Variants in ARHGAP42 observed in about 807,000 individuals in gnomAD.
ARHGAP42 encodes the protein Rho GTPase activating protein 42.
A neutral mutation model predicts 125.0 loss-of-function variants in ARHGAP42; 63 were observed. That is an observed-to-expected ratio of 0.50 (90% confidence interval 0.41 to 0.62). ARHGAP42 has a LOEUF of 0.62. ARHGAP42 is among the 20% of genes least tolerant of loss of function. The pLI, the probability that ARHGAP42 is intolerant of heterozygous loss-of-function variation, is 0.00. For missense variants in ARHGAP42, 766 were observed against 1,024.2 expected, an observed-to-expected ratio of 0.75 and a Z score of 3.44; for synonymous variants, 339 against 351.0, an observed-to-expected ratio of 0.97 and a Z score of 0.38.
chr11:100,921,544 A>G lies in ARHGAP42; in HGVS notation c.537A>G (p.Leu179=). The G allele has an allele frequency of 1.3e-6, 2 of 1,547,816 alleles. No homozygotes were observed. The highest frequency in any genetic ancestry group is 1.7e-6 in the Non-Finnish European group (2 of 1,145,346). The change falls in exon 6 of 24, where the codon TTA becomes TTG. Residue 179 remains leucine, a synonymous_variant. Transcript: ENST00000298815. ...REHQNFYEAS[L]EYVFKIQEVQ... is the part of the protein sequence containing the mutation. ...ATCAGAACTTCTATGAAGCATCATT[A>G]GAATATGTCTTTAAAATTCAAGAGG... is the stretch of plus-strand genomic sequence containing the variant.
At chr11:100,705,491 T>C (rs1274759214) in intron 1 of ARHGAP42, among the ~76,000 whole-genome samples, 2 of 152,246 alleles carry the variant, frequency 1.3e-5, no homozygotes, top group Non-Finnish European at 2.9e-5. Flanking sequence ...ATATTTACTT[T>C]ATCTGCATAT....
intron 6 of ARHGAP42, among the ~76,000 whole-genome samples, chr11:100,929,151 T>C (rs1002967443): frequency 6.6e-6 from 1 of 152,190 alleles, no homozygotes; most frequent in Non-Finnish European, 1.5e-5. Context: ...GGTTTCAGGA[T>C]GAACCTGTTC....
Position 100,935,677 on chromosome 11 carries a change from C to CAG in ARHGAP42, c.703-508_703-507dup, listed in dbSNP as rs71053162. On this transcript the variant is annotated intron_variant, in intron 7 of 23. Transcript: ENST00000298815. ...AAGGTCACACACACACACACACACA[C>CAG]AGAGAGAGAGAGAGAGAGATTCAAA... Among the ~76,000 whole-genome samples, 1,096 of 146,572 alleles carry CAG rather than the reference C, an allele frequency of 7.5e-3. 8 individuals carry two copies. The highest frequency in any genetic ancestry group is 0.022 in the African/African-American group (841 of 38,888).
chr11:100,921,662 A>G, intron 6 of ARHGAP42, 58 bp downstream of exon 6: 1 of 1,057,766 alleles, frequency 9.5e-7, no homozygotes, highest in Non-Finnish European at 1.4e-6. Flanking sequence ...GAAAAAAAGT[A>G]CACTGTTTTT....
chr11:100,710,215 A>T (rs1861538657), intron 1 of ARHGAP42, among the ~76,000 whole-genome samples: 2 of 152,002 alleles, frequency 1.3e-5, no homozygotes, highest in East Asian at 3.9e-4. Flanking sequence ...ATAACATTGT[A>T]TTTTTTCAAT....
At chr11:100,789,864 C>T (rs747641074) in intron 2 of ARHGAP42, among the ~76,000 whole-genome samples, 5 of 152,086 alleles carry the variant, frequency 3.3e-5, no homozygotes, top group South Asian at 2.1e-4. Context: ...GTGTGTTTTA[C>T]GTTATTTAAG....
chr11:100,907,606 A>G (rs1866774759), intron 4 of ARHGAP42, among the ~76,000 whole-genome samples: 1 of 152,100 alleles, frequency 6.6e-6, no homozygotes, highest in Non-Finnish European at 1.5e-5. Flanking sequence ...CCACACCAAT[A>G]TTTTCACCAA....
At chr11:100,815,290 A>C (rs1359128728) in intron 3 of ARHGAP42, among the ~76,000 whole-genome samples, 1 of 152,090 alleles carries the variant, frequency 6.6e-6, no homozygotes, top group Non-Finnish European at 1.5e-5. Flanking sequence ...CTCTTTCATT[A>C]TGTGCGTGTA....
chr11:100,748,234 T>C (rs1269884506), intron 1 of ARHGAP42, among the ~76,000 whole-genome samples: 2 of 152,250 alleles, frequency 1.3e-5, no homozygotes, highest in Admixed American at 6.5e-5. Context: ...TTCCTGATTC[T>C]ATAAGTACTT....
At chr11:100,975,713 T>A (rs550400943) in intron 19 of ARHGAP42, among the ~76,000 whole-genome samples, 2 of 152,320 alleles carry the variant, frequency 1.3e-5, no homozygotes. Flanking sequence ...ATCTTATTTC[T>A]CTTACTTCTG....
intron 4 of ARHGAP42, among the ~76,000 whole-genome samples, chr11:100,880,060 C>G (rs1420193207): frequency 6.6e-6 from 1 of 152,144 alleles, no homozygotes; most frequent in Non-Finnish European, 1.5e-5. Context: ...TTTGATATCC[C>G]TAGTGCCTGG....
intron 3 of ARHGAP42, among the ~76,000 whole-genome samples, chr11:100,856,275 A>G (rs999242784): frequency 7.2e-5 from 11 of 152,096 alleles, no homozygotes; most frequent in African/African-American, 2.7e-4. Context: ...CCTACCCTTT[A>G]TATGACATTT....
chr11:100,852,558 C>T (rs534391832), intron 3 of ARHGAP42, among the ~76,000 whole-genome samples: 1 of 152,158 alleles, frequency 6.6e-6, no homozygotes, highest in South Asian at 2.1e-4. Context: ...GCTGAAGCTC[C>T]CTCCCCTTGC....
intron 17 of ARHGAP42, among the ~76,000 whole-genome samples, chr11:100,968,064 A>G (rs999149197): frequency 1.3e-5 from 2 of 152,176 alleles, no homozygotes; most frequent in African/African-American, 4.8e-5. Flanking sequence ...TATCTCTAAT[A>G]GCATTTCTTT....
chr11:100,810,312 A>T (rs1334099100), intron 3 of ARHGAP42, among the ~76,000 whole-genome samples: 1 of 152,248 alleles, frequency 6.6e-6, no homozygotes, highest in African/African-American at 2.4e-5. Context: ...ACTATACTAG[A>T]CAAGATAATT....
At chr11:100,958,488 GT>G (rs1857866336) in intron 12 of ARHGAP42, among the ~76,000 whole-genome samples, 1 of 151,506 alleles carries the variant, frequency 6.6e-6, no homozygotes, top group African/African-American at 2.4e-5. Flanking sequence ...TATTTCTAGA[GT>G]TTTGAAGTTC....
chr11:100,907,709 CAG>C (rs893818299), intron 4 of ARHGAP42, among the ~76,000 whole-genome samples: 2 of 152,162 alleles, frequency 1.3e-5, no homozygotes, highest in Non-Finnish European at 2.9e-5. Flanking sequence ...TTCTGGGAAT[CAG>C]AGGTGGTGAT....
chr11:100,737,346 A>G (rs762343023), intron 1 of ARHGAP42, among the ~76,000 whole-genome samples: 4 of 152,326 alleles, frequency 2.6e-5, no homozygotes, highest in Non-Finnish European at 4.4e-5. Flanking sequence ...GAAGATGCTT[A>G]TTTTGGAAGG....
At chr11:100,986,929 C>A (rs1858692617) in intron 22 of ARHGAP42, among the ~76,000 whole-genome samples, 2 of 151,916 alleles carry the variant, frequency 1.3e-5, no homozygotes, top group Admixed American at 1.3e-4. Flanking sequence ...GTTGGCTTCT[C>A]TTGTTAAGGA....
Sources: gnomAD v4.1 joint callset for allele counts (sites outside exome capture counted in the v4.1 genomes callset) on GRCh38, gnomAD v4.1.1 for gene constraint, MANE v1.5 for transcripts, NCBI Gene and HGNC (gene_info 2026-07-23, HGNC 2026-07-21) for gene names.